Variants in PDE10A observed in about 807,000 individuals in gnomAD.
PDE10A encodes phosphodiesterase 10A, also known as cAMP and cAMP-inhibited cGMP 3',5'-cyclic phosphodiesterase 10A.
A neutral mutation model predicts 97.7 loss-of-function variants in PDE10A; 39 were observed. That is an observed-to-expected ratio of 0.40 (90% CI 0.31 to 0.52). The LOEUF (loss-of-function observed/expected upper bound fraction) is 0.52, where lower values mean the gene tolerates loss of function less well. Among genes scored for constraint, PDE10A ranks in the 20% least tolerant of loss-of-function variants. The pLI, the probability that PDE10A is intolerant of heterozygous loss-of-function variation, is 0.56. For synonymous variants in PDE10A, 371 were observed against 376.8 expected (o/e 0.98, Z 0.18); for missense variants, 731 against 1,047.8 (o/e 0.70, Z 4.17).
chr6:165,343,389 A>C lies in PDE10A; in HGVS notation c.2895+2T>G, dbSNP rs1172807047. 1 of 1,594,162 alleles carries C rather than the reference A, an allele frequency of 6.3e-7. No individual in the cohort carries two copies. The highest frequency in any genetic ancestry group is 2.2e-5 in the East Asian group (1 of 44,788). On this transcript the variant is annotated splice_donor_variant, in intron 19 of 21. Transcript: ENST00000539869. LOFTEE classifies it high-confidence loss of function. ...ATGTCAATATAAGAATCAAGGACAT[A>C]CCTCAGCCCAGAATTCTGCATATAT...
At chr6:165,459,826 T>A (rs1048407279) in intron 3 of PDE10A, among the ~76,000 whole-genome samples, 1 of 152,144 alleles carries the variant, frequency 6.6e-6, no homozygotes, top group Non-Finnish European at 1.5e-5. Flanking sequence ...CTACGTTTCC[T>A]GGAGCTTGCT....
intron 1 of PDE10A, among the ~76,000 whole-genome samples, chr6:165,909,567 A>G (rs1397598040): frequency 2.6e-5 from 4 of 152,206 alleles, no homozygotes; most frequent in Non-Finnish European, 5.9e-5. Context: ...AGGCATTCAT[A>G]GCAGAGTTTG....
At chr6:165,911,010 T>TACAAACAA (rs140708471) in intron 1 of PDE10A, 1 of 151,926 alleles carries the variant, frequency 6.6e-6, no homozygotes, top group Non-Finnish European at 1.5e-5. Context: ...CTTTTTCAGG[T>TACAAACAA]ACAAACAAAC....
chr6:165,529,275 C>G (rs1234488202), intron 2 of PDE10A, among the ~76,000 whole-genome samples: 2 of 152,160 alleles, frequency 1.3e-5, no homozygotes, highest in African/African-American at 4.8e-5. Flanking sequence ...GAAGAGTATG[C>G]ATGGATTACA....
chr6:165,738,608 A>G (rs1792641969), intron 1 of PDE10A, among the ~76,000 whole-genome samples: 1 of 151,746 alleles, frequency 6.6e-6, no homozygotes, highest in South Asian at 2.1e-4. Flanking sequence ...ACAATGGTTG[A>G]ACTAGTTTAC....
At chr6:165,768,390 C>G (rs184602173) in intron 1 of PDE10A, among the ~76,000 whole-genome samples, 14 of 152,140 alleles carry the variant, frequency 9.2e-5, no homozygotes, top group South Asian at 2.1e-4. Flanking sequence ...AGGTTTTCTT[C>G]TAAGAGTTTT....
chr6:165,854,296 C>A (rs1780652802), intron 1 of PDE10A, among the ~76,000 whole-genome samples: 1 of 152,102 alleles, frequency 6.6e-6, no homozygotes, highest in African/African-American at 2.4e-5. Flanking sequence ...GAGAAAGGGG[C>A]CCGCAGGAGG....
intron 1 of PDE10A, among the ~76,000 whole-genome samples, chr6:165,593,736 T>C (rs1158934333): frequency 5.3e-5 from 8 of 152,240 alleles, no homozygotes; most frequent in Admixed American, 5.2e-4. Context: ...GATGATGTTC[T>C]AAACTATCCA....
chr6:165,460,659 A>ATCATTACT (rs1778268470), intron 3 of PDE10A, among the ~76,000 whole-genome samples: 1 of 151,952 alleles, frequency 6.6e-6, no homozygotes, highest in Non-Finnish European at 1.5e-5. Context: ...GAAATATATA[A>ATCATTACT]AAGTAGCTAT....
At chr6:165,350,726 G>C (rs536372045) in intron 18 of PDE10A, among the ~76,000 whole-genome samples, 69 of 152,166 alleles carry the variant, frequency 4.5e-4, no homozygotes, top group Non-Finnish European at 8.8e-4. Flanking sequence ...TGAAACATGG[G>C]GGCAGTTTCC....
intron 1 of PDE10A, among the ~76,000 whole-genome samples, chr6:165,710,868 C>G (rs953233102): frequency 9.2e-5 from 14 of 152,184 alleles, no homozygotes; most frequent in Non-Finnish European, 2.1e-4. Context: ...ATTCCTGGGC[C>G]CTGATCAAAA....
intron 2 of PDE10A, among the ~76,000 whole-genome samples, chr6:165,529,768 A>C (rs1782663791): frequency 6.6e-6 from 1 of 152,176 alleles, no homozygotes; most frequent in South Asian, 2.1e-4. Context: ...TGTTGTACGA[A>C]GGATAGCTGT....
rs530187699 is a variant in PDE10A at position 165,835,063 on chromosome 6, C to T, written c.-615+152466G>A. Among the ~76,000 whole-genome samples the T allele has an allele frequency of 6.3e-4, 96 of 152,188 alleles. 1 individual carries two copies. Among genetic ancestry groups the T allele is most frequent in the Non-Finnish European group, 1.2e-3 (81 of 68,006 alleles). On this transcript the variant is annotated intron_variant, in intron 1 of 19. Transcript: ENST00000366882. ...CGTGTGGGCTGCAGAAGTCATTCAG[C>T]GGGAGGCAGTGCACAGAGGGCAGTT...
intron 1 of PDE10A, among the ~76,000 whole-genome samples, chr6:165,796,160 A>G (rs1370575389): frequency 1.4e-5 from 2 of 142,908 alleles, no homozygotes; most frequent in South Asian, 2.2e-4. Flanking sequence ...CAGTGCCGCA[A>G]TCTCGGCTCA....
At chr6:165,482,284 C>A in intron 3 of PDE10A, 31 bp downstream of exon 3, 1 of 1,390,100 alleles carries the variant, frequency 7.2e-7, no homozygotes, top group Non-Finnish European at 1.0e-6. Flanking sequence ...TCCTATACTG[C>A]AGTAGTAGAA....
At chr6:165,622,194 T>C (rs529313400) in intron 1 of PDE10A, among the ~76,000 whole-genome samples, 9 of 152,210 alleles carry the variant, frequency 5.9e-5, no homozygotes, top group Non-Finnish European at 1.2e-4. Flanking sequence ...CCAGACTTGC[T>C]GGCCTCCTCA....
intron 1 of PDE10A, among the ~76,000 whole-genome samples, chr6:165,568,049 A>T (rs1300327748): frequency 8.2e-6 from 1 of 122,580 alleles, no homozygotes; most frequent in Admixed American, 1.1e-4. Flanking sequence ...CCCAGGCTGG[A>T]GTGCAGTGGC....
chr6:165,706,701 T>C (rs1034879697), intron 1 of PDE10A, among the ~76,000 whole-genome samples: 32 of 152,354 alleles, frequency 2.1e-4, no homozygotes, highest in African/African-American at 7.5e-4. Context: ...TTTTCATTGC[T>C]TGATAAAAGG....
intron 1 of PDE10A, among the ~76,000 whole-genome samples, chr6:165,683,553 G>A (rs559314039): frequency 9.2e-5 from 14 of 152,306 alleles, no homozygotes; most frequent in Admixed American, 7.8e-4. Context: ...ATCTTGGTGA[G>A]GTCATTTTTG....
Sources: gnomAD v4.1 joint callset for allele counts (sites outside exome capture counted in the v4.1 genomes callset) on GRCh38, gnomAD v4.1.1 for gene constraint, MANE v1.5 for transcripts, NCBI Gene and HGNC (gene_info 2026-07-23, HGNC 2026-07-21) for gene names.